DLG2: variants seen among roughly 807,000 people sequenced by gnomAD.
DLG2 encodes the protein disks large homolog 2.
In DLG2, 45 loss-of-function variants were observed where a neutral mutation model predicts 132.5. The ratio of observed to expected loss-of-function variants is 0.34; its 90% CI spans 0.27 to 0.44. DLG2 has a LOEUF of 0.44. Ranked by LOEUF, DLG2 falls within the 20% of genes least tolerant of loss-of-function variation. The pLI is 1.00. For missense variants in DLG2, 1,045 were observed against 1,196.9 expected (o/e 0.87, Z 1.87); for synonymous variants, 424 against 419.6 (o/e 1.01, Z -0.13).
At chr11:84,731,863 T>A (rs1485554748) in intron 6 of DLG2, among the ~76,000 whole-genome samples, 1 of 152,052 alleles carries the variant, frequency 6.6e-6, no homozygotes, top group Non-Finnish European at 1.5e-5. Flanking sequence ...ACTGTCAACA[T>A]AATCAAGATA....
intron 10 of DLG2, among the ~76,000 whole-genome samples, chr11:84,065,306 T>A (rs1029104650): frequency 8.5e-5 from 13 of 152,082 alleles, no homozygotes; most frequent in Non-Finnish European, 1.8e-4. Flanking sequence ...AAGAAAATAT[T>A]TGCAAGCTAC....
At chr11:85,479,290 C>A (rs188255) in intron 3 of DLG2, among the ~76,000 whole-genome samples, 116,991 of 152,070 alleles carry the variant, frequency 0.77, 46,461 homozygotes, top group Middle Eastern at 0.91. Flanking sequence ...CATGAGGGCC[C>A]GCTTACTTCT....
intron 6 of DLG2, among the ~76,000 whole-genome samples, chr11:85,023,660 G>C (rs1333057918): frequency 6.6e-6 from 1 of 151,940 alleles, no homozygotes; most frequent in Non-Finnish European, 1.5e-5. Context: ...CTGTGTAATA[G>C]AAGTATATTG....
chr11:84,908,440 T>A (rs750955365), intron 6 of DLG2, among the ~76,000 whole-genome samples: 2 of 152,188 alleles, frequency 1.3e-5, no homozygotes, highest in Non-Finnish European at 2.9e-5. Flanking sequence ...TATCAGACAG[T>A]ACGACTCAAG....
At chr11:83,855,996 C>T (rs543786751) in intron 16 of DLG2, among the ~76,000 whole-genome samples, 29 of 152,294 alleles carry the variant, frequency 1.9e-4, no homozygotes, top group Middle Eastern at 3.4e-3. Flanking sequence ...CCACCCTCCA[C>T]CCTCTGTCAG....
chr11:84,899,662 A>G (rs2090640614), intron 6 of DLG2, among the ~76,000 whole-genome samples: 1 of 152,078 alleles, frequency 6.6e-6, no homozygotes, highest in Admixed American at 6.6e-5. Flanking sequence ...CCCATAATCT[A>G]TTCCAATTCC....
At chr11:85,259,811 A>G (rs1595766844) in intron 4 of DLG2, among the ~76,000 whole-genome samples, 1 of 152,110 alleles carries the variant, frequency 6.6e-6, no homozygotes, top group Admixed American at 6.6e-5. Flanking sequence ...TTTTTCAGGC[A>G]TATTTAAGGC....
intron 3 of DLG2, among the ~76,000 whole-genome samples, chr11:85,302,646 T>TAA (rs202166044): frequency 1.3e-3 from 141 of 105,864 alleles, no homozygotes; most frequent in African/African-American, 3.0e-3. Context: ...CTTGAAAAGT[T>TAA]AAAAAAAAAA....
chr11:83,494,302 A>G (rs1407642883), intron 21 of DLG2, among the ~76,000 whole-genome samples: 1 of 151,008 alleles, frequency 6.6e-6, no homozygotes, highest in Non-Finnish European at 1.5e-5. Context: ...GAAGTTTCAT[A>G]TTAACCAGAA....
intron 6 of DLG2, among the ~76,000 whole-genome samples, chr11:84,928,505 A>G (rs1048677756): frequency 2.6e-5 from 4 of 151,958 alleles, no homozygotes; most frequent in Admixed American, 1.3e-4. Context: ...TTTAGTGAAA[A>G]GAGAACTGAA....
intron 11 of DLG2, among the ~76,000 whole-genome samples, chr11:83,989,531 G>A (rs1200294284): frequency 6.6e-6 from 1 of 152,140 alleles, no homozygotes; most frequent in Non-Finnish European, 1.5e-5. Flanking sequence ...TTACTTCTTA[G>A]AGGAGAAGGA....
At position 84,202,141 on chromosome 11, in the gene DLG2, A is replaced by G. The variant is rs188378640; in HGVS notation, c.574-38630T>C. Among the ~76,000 whole-genome samples the G allele has an allele frequency of 1.5e-3, 231 of 152,078 alleles. 1 individual carries two copies. Among genetic ancestry groups the G allele is most frequent in the African/African-American group, 5.4e-3 (223 of 41,486 alleles). On this transcript the variant is annotated intron_variant, in intron 8 of 27. Transcript: ENST00000376104. ...CTATTTTAAAATTTATATGGAACCAAAAAGAGCCCAAATAGCCAAGACAAT... is the reference window on the plus strand; with the variant it reads ...CTATTTTAAAATTTATATGGAACCAGAAAGAGCCCAAATAGCCAAGACAAT...
intron 14 of DLG2, among the ~76,000 whole-genome samples, chr11:83,954,778 G>A (rs943194779): frequency 3.3e-5 from 5 of 152,172 alleles, no homozygotes; most frequent in Admixed American, 1.3e-4. Context: ...AAAACTGATA[G>A]ACTAGTTTAT....
intron 3 of DLG2, among the ~76,000 whole-genome samples, chr11:85,492,917 C>T (rs1006581464): frequency 6.6e-6 from 1 of 151,692 alleles, no homozygotes; most frequent in African/African-American, 2.4e-5. Context: ...AATTAAAAGT[C>T]ACAACATCAG....
chr11:84,959,421 G>T (rs781255899), intron 6 of DLG2, among the ~76,000 whole-genome samples: 3 of 152,054 alleles, frequency 2.0e-5, no homozygotes, highest in African/African-American at 7.2e-5. Flanking sequence ...GTTTTAATTG[G>T]GTGAAAGGGC....
intron 8 of DLG2, among the ~76,000 whole-genome samples, chr11:84,224,144 G>A (rs2096956780): frequency 6.6e-6 from 1 of 152,204 alleles, no homozygotes; most frequent in South Asian, 2.1e-4. Context: ...ATAAGGTTAT[G>A]AAGACTTTGA....
At chr11:85,093,392 C>T (rs1379355113) in intron 6 of DLG2, among the ~76,000 whole-genome samples, 3 of 152,080 alleles carry the variant, frequency 2.0e-5, no homozygotes, top group Non-Finnish European at 4.4e-5. Flanking sequence ...ATATTCCCCA[C>T]CCAGTACACT....
chr11:84,308,602 G>A (rs929289217), intron 7 of DLG2, among the ~76,000 whole-genome samples: 4 of 152,210 alleles, frequency 2.6e-5, no homozygotes, highest in Non-Finnish European at 5.9e-5. Context: ...GGAGCAGGGG[G>A]CGGCGCTGGT....
chr11:83,721,055 A>C (rs2088413061), intron 18 of DLG2: 1 of 152,170 alleles, frequency 6.6e-6, no homozygotes, highest in South Asian at 2.1e-4. Flanking sequence ...CATGTGAAAC[A>C]TGAGGCTCAG....
Sources: gnomAD v4.1 joint callset for allele counts (sites outside exome capture counted in the v4.1 genomes callset) on GRCh38, gnomAD v4.1.1 for gene constraint, MANE v1.5 for transcripts, NCBI Gene and HGNC (gene_info 2026-07-23, HGNC 2026-07-21) for gene names.